NEBL: variants seen among roughly 807,000 people sequenced by gnomAD.
The protein encoded by NEBL is LIM and SH3 protein 2.
In NEBL, 122 loss-of-function variants were observed where a neutral mutation model predicts 140.2. The ratio of observed to expected loss-of-function variants is 0.87; its 90% CI spans 0.75 to 1.01. NEBL has a LOEUF of 1.01. NEBL is among the 50% of genes least tolerant of loss of function. The pLI is 0.00. For missense variants in NEBL, 1,365 were observed against 1,231.3 expected, an observed-to-expected ratio of 1.11 and a Z score of -1.62; for synonymous variants, 436 against 398.9, an observed-to-expected ratio of 1.09 and a Z score of -1.11.
intron 3 of NEBL, among the ~76,000 whole-genome samples, chr10:20,972,689 G>C (rs552761603): frequency 1.3e-5 from 2 of 152,182 alleles, no homozygotes; most frequent in African/African-American, 4.8e-5. Flanking sequence ...AGAGGCTGCA[G>C]TGAGCCAAGA....
intron 2 of NEBL, among the ~76,000 whole-genome samples, chr10:21,129,390 G>C (rs1274254513): frequency 6.6e-6 from 1 of 151,872 alleles, no homozygotes; most frequent in Non-Finnish European, 1.5e-5. Context: ...AGGAATACAG[G>C]CATGTGCCAC....
intron 3 of NEBL, among the ~76,000 whole-genome samples, chr10:21,019,146 A>G (rs2131766672): frequency 6.6e-6 from 1 of 152,298 alleles, no homozygotes; most frequent in East Asian, 1.9e-4. Context: ...ATTCTCAGGG[A>G]CCATCATTAT....
At chr10:20,877,740 C>T (rs1015295114) in intron 5 of NEBL, among the ~76,000 whole-genome samples, 3 of 152,160 alleles carry the variant, frequency 2.0e-5, no homozygotes, top group Non-Finnish European at 4.4e-5. Flanking sequence ...CAAACAGCTT[C>T]CTTGCAGTCT....
At chr10:20,951,075 A>T (rs1178807548) in intron 4 of NEBL, among the ~76,000 whole-genome samples, 1 of 152,206 alleles carries the variant, frequency 6.6e-6, no homozygotes, top group African/African-American at 2.4e-5. Flanking sequence ...TTCAAGACCA[A>T]CCTGGGCAAT....
At chr10:21,226,466 C>T (rs1842150779) in intron 3 of NEBL, among the ~76,000 whole-genome samples, 1 of 152,182 alleles carries the variant, frequency 6.6e-6, no homozygotes. Context: ...AATTGCAGTC[C>T]TGGTGGCCTA....
chr10:21,018,484 T>A (rs1391545512), intron 3 of NEBL, among the ~76,000 whole-genome samples: 1 of 152,202 alleles, frequency 6.6e-6, no homozygotes, highest in Non-Finnish European at 1.5e-5. Flanking sequence ...ACCTCATTTT[T>A]GTAACCAAAA....
intron 3 of NEBL, among the ~76,000 whole-genome samples, chr10:20,985,746 T>C (rs1837231817): frequency 2.0e-5 from 3 of 152,136 alleles, no homozygotes; most frequent in Non-Finnish European, 1.5e-5. Context: ...ATATTCAGGA[T>C]GGAGAGTAGC....
intron 2 of NEBL, chr10:21,030,271 G>T: frequency 1.6e-6 from 1 of 620,874 alleles, no homozygotes; most frequent in Non-Finnish European, 2.8e-6. Context: ...ACCCAAGCTG[G>T]CGAAGTGAAG....
At chr10:20,915,132 A>T (rs1848492580) in intron 4 of NEBL, among the ~76,000 whole-genome samples, 1 of 151,920 alleles carries the variant, frequency 6.6e-6, no homozygotes, top group South Asian at 2.1e-4. Flanking sequence ...AAAGTTATTT[A>T]TCATAGTACA....
At chr10:20,828,697 G>A in intron 16 of NEBL, 63 bp from the exon 17 acceptor site, 4 of 1,109,840 alleles carry the variant, frequency 3.6e-6, no homozygotes, top group Middle Eastern at 2.2e-4. Flanking sequence ...TGAGAGGGAG[G>A]GAGGGAGGCA....
At chr10:20,975,575 T>A (rs886381773) in intron 3 of NEBL, among the ~76,000 whole-genome samples, 1 of 152,196 alleles carries the variant, frequency 6.6e-6, no homozygotes, top group African/African-American at 2.4e-5. Flanking sequence ...CTACCCTGAA[T>A]GTAAATTTGT....
intron 21 of NEBL, among the ~76,000 whole-genome samples, chr10:20,817,111 G>A (rs2130812880): frequency 6.6e-6 from 1 of 152,236 alleles, no homozygotes; most frequent in East Asian, 1.9e-4. Flanking sequence ...CAGGCCCGGT[G>A]GCACACATCT....
chr10:21,152,282 G>T (rs1358726165), intron 2 of NEBL, among the ~76,000 whole-genome samples: 1 of 152,100 alleles, frequency 6.6e-6, no homozygotes, highest in African/African-American at 2.4e-5. Context: ...TCATAGATTG[G>T]ACCCCAAGGA....
chr10:20,922,111 C>A (rs962275596), intron 4 of NEBL, among the ~76,000 whole-genome samples: 13 of 152,126 alleles, frequency 8.5e-5, no homozygotes, highest in African/African-American at 3.1e-4. Context: ...AGAGCAAAAA[C>A]CACAAACACA....
At chr10:21,227,702 TTCTTCTTCTTTCTTCTTC>T (rs1483516262) in intron 3 of NEBL, among the ~76,000 whole-genome samples, 71 of 68,304 alleles carry the variant, frequency 1.0e-3, no homozygotes, top group East Asian at 2.7e-3. Context: ...CTTCTTCTTC[TTCTTCTTCTTTCTTCTTC>T]TTCTTCTTCT....
chr10:21,222,452 T>C (rs1321751748), intron 3 of NEBL, among the ~76,000 whole-genome samples: 1 of 152,248 alleles, frequency 6.6e-6, no homozygotes, highest in Non-Finnish European at 1.5e-5. Context: ...TTACTTGTTC[T>C]GTGTTTTTGG....
chr10:20,828,491 T>C, intron 17 of NEBL, 39 bp downstream of exon 17: 1 of 1,375,464 alleles, frequency 7.3e-7, no homozygotes. Context: ...CAAAACAAAA[T>C]TTCAAGGTGG....
upstream of NEBL, among the ~76,000 whole-genome samples, chr10:21,178,024 CCAA>C (rs1425032182): frequency 6.6e-6 from 1 of 152,154 alleles, no homozygotes; most frequent in Non-Finnish European, 1.5e-5. Flanking sequence ...GTTTTCGCAA[CCAA>C]CAACTTTGGT....
intron 13 of NEBL, 77 bp from the exon 14 acceptor site, chr10:20,835,700 A>G: frequency 1.0e-6 from 1 of 997,292 alleles, no homozygotes. Flanking sequence ...TACTAAAAAA[A>G]AAATAGTTAG....
Sources: allele counts gnomAD v4.1 joint callset (sites outside exome capture counted in the v4.1 genomes callset), GRCh38; gene constraint gnomAD v4.1.1; transcripts MANE v1.5; gene names NCBI Gene and HGNC (gene_info 2026-07-23, HGNC 2026-07-21).